The following IGFBP2 variants were observed in gnomAD, a reference collection of about 807,000 sequenced individuals.
IGFBP2 encodes insulin like growth factor binding protein 2.
Under a neutral mutation model 26.2 loss-of-function variants are expected in IGFBP2, and 12 were observed. The ratio of observed to expected loss-of-function variants is 0.46; its 90% CI spans 0.29 to 0.74. The LOEUF is 0.74. IGFBP2 is among the 30% of genes least tolerant of loss of function. IGFBP2 has a pLI of 0.09. For synonymous variants in IGFBP2, 189 were observed against 200.6 expected (o/e 0.94, Z 0.49); for missense variants, 328 against 441.2 (o/e 0.74, Z 2.30).
At chr2:216,651,332 C>T (rs930606917) in intron 1 of IGFBP2, among the ~76,000 whole-genome samples, 1 of 152,200 alleles carries the variant, frequency 6.6e-6, no homozygotes. Flanking sequence ...TTGGTGACCA[C>T]CATCAGCCAT....
chr2:216,655,872 G>A (rs1697911100), intron 1 of IGFBP2, among the ~76,000 whole-genome samples: 1 of 150,856 alleles, frequency 6.6e-6, no homozygotes, highest in Non-Finnish European at 1.5e-5. Flanking sequence ...TCCAGCCTGG[G>A]TGACAGAGCG....
At chr2:216,638,700 C>G (rs1574553593) in intron 1 of IGFBP2, among the ~76,000 whole-genome samples, 1 of 149,632 alleles carries the variant, frequency 6.7e-6, no homozygotes, top group South Asian at 2.1e-4. Flanking sequence ...TACGACTGTT[C>G]AATTTCTTTT....
intron 1 of IGFBP2, among the ~76,000 whole-genome samples, chr2:216,634,906 T>TTTTTTTTTTA (rs371560018): frequency 0.092 from 11,736 of 128,260 alleles, 937 homozygotes; most frequent in East Asian, 0.27. Flanking sequence ...TTTTTTTTTT[T>TTTTTTTTTTA]AATTACGAAA....
Position 216,661,974 on chromosome 2 carries a change from G to A in IGFBP2, c.789G>A (p.Lys263=). 6.2e-7 allele frequency: 1 copy of A among 1,614,200 alleles called. No homozygotes were observed. The highest frequency in any genetic ancestry group is 1.3e-5 in the African/African-American group (1 of 75,054). ...LYSLHIPNCD[K]HGLYNLKQCK... ...CCCTGCACATCCCCAACTGTGACAA[G>A]CATGGCCTGTACAACCTCAAACAGG... Residue 263 remains lysine, a synonymous_variant, in exon 3 of 4, where the codon AAG becomes AAA. Transcript: ENST00000233809.
In IGFBP2 at chr2:216,660,631, G is replaced by A; in HGVS notation, c.517G>A (p.Gly173Arg). The A allele has an allele frequency of 6.2e-7, 1 of 1,614,118 alleles. No homozygotes were observed. Among genetic ancestry groups the A allele is most frequent in the Non-Finnish European group, 8.5e-7 (1 of 1,180,016 alleles). Residue 173 changes from glycine to arginine, a missense_variant, in exon 2 of 4, where the codon GGA becomes AGA. Gly to Arg is a moderately radical substitution (Grantham distance 125). Coordinates refer to ENST00000233809, the MANE Select transcript of IGFBP2 (RefSeq NM_000597.3). ...VDSTMNMLGG[G>R]GSAGRKPLKS... ...CAGCACCATGAACATGTTGGGCGGG[G>A]GAGGCAGTGCTGGCCGGAAGCCCCT...
At chr2:216,657,773 C>T (rs1183499612) in intron 1 of IGFBP2, among the ~76,000 whole-genome samples, 7 of 152,136 alleles carry the variant, frequency 4.6e-5, no homozygotes, top group Non-Finnish European at 7.4e-5. Flanking sequence ...GCTGGGCTGC[C>T]GGGCTGCTGG....
chr2:216,655,665 G>A (rs1277185985), intron 1 of IGFBP2, among the ~76,000 whole-genome samples: 1 of 152,172 alleles, frequency 6.6e-6, no homozygotes, highest in Non-Finnish European at 1.5e-5. Flanking sequence ...TTGGGAGACC[G>A]AGGTGGGCCT....
In IGFBP2 at chr2:216,633,718, C is replaced by T. The variant is rs958883190; in HGVS notation, c.195C>T (p.Ala65=). 4 of 1,212,970 alleles carry T rather than the reference C, an allele frequency of 3.3e-6. No homozygotes were observed. Among genetic ancestry groups the T allele is most frequent in the African/African-American group, 1.6e-5 (1 of 63,192 alleles). 75.1% of individuals were successfully genotyped at this position (1,212,970 alleles called of 1,614,324 possible). ...CGGTTGCGCCGCCCGCCGCGGTGGCCGCAGTGGCCGGAGGCGCCCGCATGC... is the reference window on the plus strand; with the variant it reads ...CGGTTGCGCCGCCCGCCGCGGTGGCTGCAGTGGCCGGAGGCGCCCGCATGC... ...PPPVAPPAAV[A]AVAGGARMPC... The change falls in exon 1 of 4, where the codon GCC becomes GCT. Residue 65 remains alanine, a synonymous_variant. Transcript: ENST00000233809.
rs9341210 is a variant in IGFBP2 at position 216,662,432 on chromosome 2, A to G, written c.813+434A>G. ...ATCTGTGAGCCACACTCCCACCATC[A>G]TTGATTTCAACCACTGGCCGAGTTG... On this transcript the variant is annotated intron_variant, in intron 3 of 3. Transcript: ENST00000233809. 2.8e-3 allele frequency: 492 copies of G among 172,724 alleles called. 3 individuals carry two copies. The highest frequency in any genetic ancestry group is 0.011 in the African/African-American group (461 of 42,168). The allele number at this position is 172,724 out of a possible 1,614,324, so 10.7% of individuals were successfully genotyped here.
At chr2:216,642,633 G>A (rs1051500867) in intron 1 of IGFBP2, among the ~76,000 whole-genome samples, 1 of 152,112 alleles carries the variant, frequency 6.6e-6, no homozygotes, top group African/African-American at 2.4e-5. Context: ...TGGATTAGTT[G>A]GGCAGTGCTC....
upstream of IGFBP2, among the ~76,000 whole-genome samples, chr2:216,633,224 G>A (rs1013158523): frequency 2.0e-5 from 3 of 152,180 alleles, no homozygotes; most frequent in Non-Finnish European, 4.4e-5. Flanking sequence ...AGTGCGGAGG[G>A]ACGGGGCCCG....
intron 1 of IGFBP2, chr2:216,659,485 T>A (rs1265859438): frequency 1.8e-6 from 1 of 556,370 alleles, no homozygotes; most frequent in Non-Finnish European, 3.3e-6. Context: ...CTCCAAGGGG[T>A]TGGGGCTGGG....
chr2:216,642,528 G>A (rs192465141), intron 1 of IGFBP2, among the ~76,000 whole-genome samples: 3 of 151,636 alleles, frequency 2.0e-5, no homozygotes, highest in Non-Finnish European at 2.9e-5. Flanking sequence ...GGATGGTCTC[G>A]ATCTCCTGAC....
At chr2:216,663,765 TGCA>T (rs1688703016) in intron 3 of IGFBP2, 172 bp from the exon 4 acceptor site, 1 of 625,314 alleles carries the variant, frequency 1.6e-6, no homozygotes, top group Non-Finnish European at 2.8e-6. Context: ...AGGGACCTAC[TGCA>T]TGGGAATCTG....
Position 216,663,949 on chromosome 2 carries a change from T to A in IGFBP2, c.823T>A (p.Ser275Thr). The change falls in exon 4 of 4, where the codon TCT becomes ACT. Residue 275 changes from serine (S) to threonine (T), a missense_variant. Transcript: ENST00000233809. ...TCTCCTCTCTCCCCAGTGCAAGATGTCTCTGAACGGGCAGCGTGGGGAGTG... is the reference window on the plus strand; with the variant it reads ...TCTCCTCTCTCCCCAGTGCAAGATGACTCTGAACGGGCAGCGTGGGGAGTG... ...GLYNLKQCKM[S>T]LNGQRGECWC... The A allele has an allele frequency of 6.2e-7, 1 of 1,614,008 alleles. No homozygotes were observed. The highest frequency in any genetic ancestry group is 8.5e-7 in the Non-Finnish European group (1 of 1,179,990).
At chr2:216,642,237 A>G (rs1697630991) in intron 1 of IGFBP2, among the ~76,000 whole-genome samples, 2 of 149,886 alleles carry the variant, frequency 1.3e-5, no homozygotes, top group Admixed American at 1.3e-4. Context: ...TGACCTCATG[A>G]TCCGCCCACC....
At chr2:216,659,500 G>T (rs1042368176) in intron 1 of IGFBP2, 13 of 571,216 alleles carry the variant, frequency 2.3e-5, no homozygotes, top group African/African-American at 2.2e-4. Context: ...GCTGGGGCTC[G>T]GCGGTGTGAG....
Position 216,660,606 on chromosome 2 carries a change from C to T in IGFBP2, c.492C>T (p.Asp164=). The T allele has an allele frequency of 2.5e-6, 4 of 1,613,844 alleles. No homozygotes were observed. The highest frequency in any genetic ancestry group is 3.4e-6 in the Non-Finnish European group (4 of 1,179,900). Residue 164 remains aspartate, a synonymous_variant, in exon 2 of 4, where the codon GAC becomes GAT. Coordinates refer to ENST00000233809, the MANE Select transcript of IGFBP2 (RefSeq NM_000597.3). The stretch of plus-strand genomic sequence containing the variant: ...GAGGCCTGGTGGAGAACCACGTGGA[C>T]AGCACCATGAACATGTTGGGCGGGG... ...SEGGLVENHV[D]STMNMLGGGG... is the part of the protein sequence containing the mutation.
intron 1 of IGFBP2, among the ~76,000 whole-genome samples, chr2:216,656,522 A>G (rs1287668144): frequency 2.0e-5 from 3 of 152,354 alleles, no homozygotes; most frequent in South Asian, 2.1e-4. Context: ...CTCCGGGGCC[A>G]TTTGGCAACG....
Sources: gnomAD v4.1 joint callset for allele counts (sites outside exome capture counted in the v4.1 genomes callset) on GRCh38, gnomAD v4.1.1 for gene constraint, MANE v1.5 for transcripts, NCBI Gene and HGNC (gene_info 2026-07-23, HGNC 2026-07-21) for gene names.